The following MKX variants were observed in gnomAD, a reference collection of about 807,000 sequenced individuals.
The protein encoded by MKX is mohawk homeobox.
MKX carries 13 observed loss-of-function variants against 36.0 expected under a neutral mutation model. The observed-to-expected ratio is 0.36, with a 90% CI of 0.24 to 0.57. The LOEUF is 0.57. Ranked by LOEUF, MKX falls within the 20% of genes least tolerant of loss-of-function variation. The pLI, the probability that MKX is intolerant of heterozygous loss-of-function variation, is 0.79. For missense variants in MKX, 458 were observed against 456.4 expected, an observed-to-expected ratio of 1.00 and a Z score of -0.03; for synonymous variants, 176 against 178.3, an observed-to-expected ratio of 0.99 and a Z score of 0.10.
At chr10:27,708,083 A>T (rs1836788008) in intron 5 of MKX, among the ~76,000 whole-genome samples, 1 of 152,194 alleles carries the variant, frequency 6.6e-6, no homozygotes, top group African/African-American at 2.4e-5. Flanking sequence ...TAAAGAAGGA[A>T]ACTGTTACTT....
At chr10:27,687,815 G>T (rs938900455) in intron 5 of MKX, among the ~76,000 whole-genome samples, 1 of 152,204 alleles carries the variant, frequency 6.6e-6, no homozygotes, top group Non-Finnish European at 1.5e-5. Flanking sequence ...TGCAGTCTAT[G>T]GGGAGGCCAG....
chr10:27,712,079 C>T (rs184008237), intron 5 of MKX, among the ~76,000 whole-genome samples: 101 of 152,204 alleles, frequency 6.6e-4, no homozygotes, highest in African/African-American at 2.4e-3. Context: ...CCCGTGGTGC[C>T]CCACACCAGC....
At chr10:27,740,387 T>G (rs183167077) in intron 3 of MKX, among the ~76,000 whole-genome samples, 2 of 152,316 alleles carry the variant, frequency 1.3e-5, no homozygotes, top group East Asian at 3.8e-4. Context: ...CCTATTTGCA[T>G]GTAAAAAAGT....
intron 5 of MKX, among the ~76,000 whole-genome samples, chr10:27,677,824 T>C (rs868801995): frequency 3.9e-5 from 6 of 152,190 alleles, no homozygotes; most frequent in South Asian, 2.1e-4. Context: ...TCAGGCAGCA[T>C]TTTATAAGGT....
intron 5 of MKX, among the ~76,000 whole-genome samples, chr10:27,687,682 A>G (rs1836382856): frequency 6.6e-6 from 1 of 152,214 alleles, no homozygotes; most frequent in Non-Finnish European, 1.5e-5. Context: ...CACATTAAAT[A>G]TTCTTGATGC....
intron 5 of MKX, among the ~76,000 whole-genome samples, chr10:27,734,215 T>G (rs1049387919): frequency 3.3e-5 from 5 of 151,926 alleles, no homozygotes; most frequent in Admixed American, 3.3e-4. Context: ...TTAAAAAATA[T>G]AAAAAGAATA....
In MKX at chr10:27,675,131, TG is replaced by T; in HGVS notation, c.*97del. The stretch of plus-strand genomic sequence containing the variant: ...GGATAATTAAAAATAAGAAGAGGTT[TG>T]GGAGAGAGTCATTTTCATCCCTGCT... On this transcript the variant is annotated 3_prime_UTR_variant, in exon 7 of 7. Coordinates refer to ENST00000419761, the MANE Select transcript of MKX (RefSeq NM_173576.3). 1 of 1,134,276 alleles carries T rather than the reference TG, an allele frequency of 8.8e-7. No homozygotes were observed. The highest frequency in any genetic ancestry group is 1.3e-6 in the Non-Finnish European group (1 of 792,246). The allele number at this position is 1,134,276 out of a possible 1,614,324, so 70.3% of individuals were successfully genotyped here.
intron 5 of MKX, among the ~76,000 whole-genome samples, chr10:27,715,830 T>G (rs1836954018): frequency 6.6e-6 from 1 of 151,968 alleles, no homozygotes; most frequent in Non-Finnish European, 1.5e-5. Flanking sequence ...CTCCAGAAGA[T>G]CGAAGGGCAG....
chr10:27,732,472 G>A (rs980329884), intron 5 of MKX, among the ~76,000 whole-genome samples: 3 of 151,758 alleles, frequency 2.0e-5, no homozygotes, highest in Non-Finnish European at 4.4e-5. Context: ...AACCTTTTTT[G>A]TTTAATAACT....
At chr10:27,730,417 T>G (rs1834597939) in intron 5 of MKX, among the ~76,000 whole-genome samples, 1 of 151,970 alleles carries the variant, frequency 6.6e-6, no homozygotes, top group South Asian at 2.1e-4. Context: ...TGAAGTAAAA[T>G]TCAGTGATAC....
chr10:27,695,255 T>A (rs1836533451), intron 5 of MKX, among the ~76,000 whole-genome samples: 5 of 151,988 alleles, frequency 3.3e-5, no homozygotes. Context: ...CTACTGAACA[T>A]AGAAGGAGAA....
At chr10:27,724,824 G>A (rs1834454993) in intron 5 of MKX, among the ~76,000 whole-genome samples, 1 of 150,020 alleles carries the variant, frequency 6.7e-6, no homozygotes, top group South Asian at 2.1e-4. Flanking sequence ...CAGTATTAAT[G>A]GTGTGGGATC....
chr10:27,734,875 A>T, intron 4 of MKX, 84 bp from the exon 5 acceptor site: 1 of 768,778 alleles, frequency 1.3e-6, no homozygotes, highest in Non-Finnish European at 1.9e-6. Context: ...CCTTAAAAAT[A>T]TATAAAGGAA....
chr10:27,690,710 CAGGG>C (rs1473372794), intron 5 of MKX, among the ~76,000 whole-genome samples: 8 of 152,152 alleles, frequency 5.3e-5, no homozygotes, highest in Non-Finnish European at 1.0e-4. Flanking sequence ...TTGAAGAAGT[CAGGG>C]TGCAAATCAT....
rs747321421 is a variant in MKX, at chr10:27,743,254, G to A, written c.162C>T (p.Asn54=). 4 of 1,537,594 alleles carry A rather than the reference G, an allele frequency of 2.6e-6. No individual in the cohort carries two copies. Among genetic ancestry groups the A allele is most frequent in the Non-Finnish European group, 3.5e-6 (4 of 1,148,240 alleles). ...CGGTCCTCCGGTGTCTCAGGCCGAG[G>A]TTGTCCTTGAGGGGCGGGCCGTCGG... ...GIPDGPPLKD[N]LGLRHRRTGA... The change falls in exon 2 of 7, where the codon AAC becomes AAT. Residue 54 remains asparagine, a synonymous_variant. Transcript: ENST00000419761.
intron 5 of MKX, among the ~76,000 whole-genome samples, chr10:27,698,215 C>T (rs1349429542): frequency 1.3e-5 from 2 of 152,082 alleles, no homozygotes; most frequent in Non-Finnish European, 2.9e-5. Context: ...CAGCAGAGAC[C>T]AGGCATTGAG....
chr10:27,686,322 A>T (rs936549626), intron 5 of MKX, among the ~76,000 whole-genome samples: 2 of 151,966 alleles, frequency 1.3e-5, no homozygotes, highest in South Asian at 4.2e-4. Flanking sequence ...GGCATCCGAA[A>T]TTATTTCAGA....
rs570798968 is a variant in MKX at position 27,715,400 on chromosome 10, G to A, written c.838+19056C>T. The stretch of plus-strand genomic sequence containing the variant: ...CGGGAGAAAGGATCTGAAGTAAGAC[G>A]AAGGAGGGATGAAATAAATTTTAGA... On this transcript the variant is annotated intron_variant, in intron 5 of 6. Transcript: ENST00000419761. 1.1e-4 allele frequency among the ~76,000 whole-genome samples: 17 copies of A among 152,298 alleles called. No individual in the cohort carries two copies. In the East Asian group the frequency reaches 1.5e-3, roughly 14 times the overall value.
intron 5 of MKX, among the ~76,000 whole-genome samples, chr10:27,681,120 T>C (rs1836246579): frequency 6.6e-6 from 1 of 152,208 alleles, no homozygotes; most frequent in Non-Finnish European, 1.5e-5. Flanking sequence ...ATGCCACACA[T>C]TGCTCATGTA....
Sources: allele counts gnomAD v4.1 joint callset (sites outside exome capture counted in the v4.1 genomes callset), GRCh38; gene constraint gnomAD v4.1.1; transcripts MANE v1.5; gene names NCBI Gene and HGNC (gene_info 2026-07-23, HGNC 2026-07-21).